Variants in ZNF277 observed in about 807,000 individuals in gnomAD.
ZNF277 encodes zinc finger protein 277.
A neutral mutation model predicts 60.7 loss-of-function variants in ZNF277; 55 were observed. The ratio of observed to expected loss-of-function variants is 0.91; its 90% confidence interval spans 0.73 to 1.13. The LOEUF is 1.13. Among genes scored for constraint, ZNF277 ranks in the 50% most tolerant of loss-of-function variants. ZNF277 has a pLI of 0.00. For missense variants in ZNF277, 510 were observed against 523.0 expected, an observed-to-expected ratio of 0.98 and a Z score of 0.24; for synonymous variants, 178 against 179.3, an observed-to-expected ratio of 0.99 and a Z score of 0.06.
intron 1 of ZNF277, among the ~76,000 whole-genome samples, chr7:112,220,865 A>G (rs1019516839): frequency 3.9e-5 from 6 of 152,120 alleles, no homozygotes; most frequent in East Asian, 3.9e-4. Context: ...GGGAGGGACA[A>G]TTGTCAGGAT....
At chr7:112,226,070 G>A (rs2116969699) in intron 1 of ZNF277, among the ~76,000 whole-genome samples, 1 of 152,082 alleles carries the variant, frequency 6.6e-6, no homozygotes, top group East Asian at 1.9e-4. Context: ...ACATTTCATG[G>A]GTTTCTAGTG....
chr7:112,250,310 G>A (rs1791175635), intron 1 of ZNF277, among the ~76,000 whole-genome samples: 1 of 152,170 alleles, frequency 6.6e-6, no homozygotes, highest in Admixed American at 6.5e-5. Context: ...CTCCTGATAA[G>A]ATGTTATCAA....
chr7:112,248,438 A>T (rs1791132324), intron 1 of ZNF277, among the ~76,000 whole-genome samples: 1 of 152,104 alleles, frequency 6.6e-6, no homozygotes, highest in Non-Finnish European at 1.5e-5. Flanking sequence ...CAAAGGGGGA[A>T]AAACAGAATC....
chr7:112,235,287 A>C (rs1563199642), intron 1 of ZNF277, among the ~76,000 whole-genome samples: 1 of 152,120 alleles, frequency 6.6e-6, no homozygotes, highest in Non-Finnish European at 1.5e-5. Flanking sequence ...ATATATACCT[A>C]GGAGTAGAAT....
chr7:112,338,027 T>C (rs1171204390), intron 9 of ZNF277, among the ~76,000 whole-genome samples: 1 of 152,224 alleles, frequency 6.6e-6, no homozygotes, highest in African/African-American at 2.4e-5. Context: ...TGTTTGTTAG[T>C]GTGAGATTTC....
At chr7:112,302,463 A>G (rs977125788) in intron 4 of ZNF277, among the ~76,000 whole-genome samples, 1 of 152,246 alleles carries the variant, frequency 6.6e-6, no homozygotes. Flanking sequence ...CACAATACAT[A>G]CAAGTTCTAA....
intron 1 of ZNF277, among the ~76,000 whole-genome samples, chr7:112,285,276 C>T (rs1222818011): frequency 2.6e-5 from 4 of 151,864 alleles, no homozygotes; most frequent in African/African-American, 9.7e-5. Context: ...GTGATCTGCC[C>T]GCCTCTGCCT....
chr7:112,212,771 A>G lies in ZNF277; in HGVS notation c.91+5964A>G, dbSNP rs531554766. On this transcript the variant is annotated intron_variant, in intron 1 of 11. Coordinates refer to ENST00000361822, the MANE Select transcript of ZNF277 (RefSeq NM_021994.3). ...TTGTCAGAGTGTCTGTTGGTGCTACATACTAGTATTACAACTATGTGCTCT... is the reference window on the plus strand; with the variant it reads ...TTGTCAGAGTGTCTGTTGGTGCTACGTACTAGTATTACAACTATGTGCTCT... 6.6e-5 allele frequency among the ~76,000 whole-genome samples: 10 copies of G among 152,294 alleles called. No individual in the cohort carries two copies. The South Asian group carries it at 2.1e-3, about 32-fold the overall frequency.
At chr7:112,230,986 G>A (rs542922174) in intron 1 of ZNF277, among the ~76,000 whole-genome samples, 19 of 152,158 alleles carry the variant, frequency 1.2e-4, no homozygotes, top group South Asian at 6.2e-4. Context: ...AGGCGAAGGT[G>A]GGCAGATCAC....
chr7:112,225,361 C>T (rs1477901691), intron 1 of ZNF277, among the ~76,000 whole-genome samples: 1 of 152,164 alleles, frequency 6.6e-6, no homozygotes, highest in Non-Finnish European at 1.5e-5. Context: ...GAATAATCAG[C>T]CAGTTGTAAT....
At chr7:112,334,778 A>T (rs1009973757) in intron 7 of ZNF277, among the ~76,000 whole-genome samples, 3 of 152,198 alleles carry the variant, frequency 2.0e-5, no homozygotes, top group Non-Finnish European at 4.4e-5. Context: ...CCTTGCAGCA[A>T]TAAAACCATG....
rs1030310773 is a variant in ZNF277, at chr7:112,335,969, C to T, written c.802-135C>T. 9 of 606,802 alleles carry T rather than the reference C, an allele frequency of 1.5e-5. No individual in the cohort carries two copies. In the Admixed American group the frequency reaches 3.0e-4, roughly 21 times the overall value. 37.6% of individuals were successfully genotyped at this position (606,802 alleles called of 1,614,324 possible). ...TAAGTTGGGCCATCTGTATATCCTACTTGTACTGTTTCAAAACCATTTAAA... is the reference window on the plus strand; with the variant it reads ...TAAGTTGGGCCATCTGTATATCCTATTTGTACTGTTTCAAAACCATTTAAA... On this transcript the variant is annotated intron_variant, in intron 7 of 11. Transcript: ENST00000361822.
chr7:112,280,782 C>G (rs748580429), intron 1 of ZNF277, among the ~76,000 whole-genome samples: 2 of 152,022 alleles, frequency 1.3e-5, no homozygotes, highest in African/African-American at 2.4e-5. Context: ...CCAGCCACCA[C>G]GCCCGGCTAA....
intron 4 of ZNF277, among the ~76,000 whole-genome samples, chr7:112,317,342 A>G (rs1047330182): frequency 3.9e-5 from 6 of 152,116 alleles, no homozygotes; most frequent in African/African-American, 1.4e-4. Flanking sequence ...GGATTAAAGA[A>G]GTTAAATATC....
chr7:112,237,978 A>G (rs1422542987), intron 1 of ZNF277, among the ~76,000 whole-genome samples: 1 of 152,118 alleles, frequency 6.6e-6, no homozygotes, highest in Non-Finnish European at 1.5e-5. Context: ...ATAAATTAAC[A>G]CCACCTGCAG....
intron 4 of ZNF277, among the ~76,000 whole-genome samples, chr7:112,297,349 T>C (rs1379789746): frequency 3.9e-5 from 6 of 152,240 alleles, no homozygotes; most frequent in East Asian, 1.9e-4. Context: ...GTTGACTTGC[T>C]GTTCCTTTAG....
rs1446536184 is a variant in ZNF277, at chr7:112,327,793, G to T, written c.634G>T (p.Glu212Ter). The stretch of plus-strand genomic sequence containing the variant: ...GCCAGACAACATTGTAAACTGCAAT[G>T]AATTTTTGTGTACATTACAGAAAAA... ...GLPDNIVNCN[E>*]FLCTLQKKLD... is the part of the protein sequence containing the mutation. Residue 212 changes from glutamate (E) to a stop codon, truncating the protein, a stop_gained, in exon 6 of 12, where the codon GAA (glutamate) becomes TAA (stop). Transcript: ENST00000361822. LOFTEE classifies it high-confidence loss of function. 1.9e-6 allele frequency: 3 copies of T among 1,611,650 alleles called. No homozygotes were observed. The highest frequency in any genetic ancestry group is 2.2e-5 in the East Asian group (1 of 44,718).
intron 1 of ZNF277, among the ~76,000 whole-genome samples, chr7:112,269,461 A>G (rs951968384): frequency 2.0e-5 from 3 of 152,028 alleles, no homozygotes; most frequent in African/African-American, 7.2e-5. Context: ...ACACTATTTT[A>G]TTATTGTTTT....
chr7:112,297,015 C>T (rs762344727), intron 4 of ZNF277, among the ~76,000 whole-genome samples: 22 of 143,002 alleles, frequency 1.5e-4, no homozygotes, highest in Admixed American at 4.3e-4. Context: ...GCAAGCTCCA[C>T]CTCCTGGGCT....
Sources: allele counts gnomAD v4.1 joint callset (sites outside exome capture counted in the v4.1 genomes callset), GRCh38; gene constraint gnomAD v4.1.1; transcripts MANE v1.5; gene names NCBI Gene and HGNC (gene_info 2026-07-23, HGNC 2026-07-21).